TSPAN9: variants seen among roughly 807,000 people sequenced by gnomAD.
TSPAN9 encodes the protein tetraspanin 9, also known as tetraspanin-9.
In TSPAN9, 16 loss-of-function variants were observed where a neutral mutation model predicts 31.0. The ratio of observed to expected loss-of-function variants is 0.52; its 90% CI spans 0.35 to 0.78. TSPAN9 has a LOEUF of 0.78. Among genes scored for constraint, TSPAN9 ranks in the 30% least tolerant of loss-of-function variants. The pLI, the probability that TSPAN9 is intolerant of heterozygous loss-of-function variation, is 0.01. For synonymous variants in TSPAN9, 145 were observed against 121.6 expected, an observed-to-expected ratio of 1.19 and a Z score of -1.27; for missense variants, 272 against 312.5, an observed-to-expected ratio of 0.87 and a Z score of 0.98.
chr12:3,185,705 C>T (rs988436506), intron 2 of TSPAN9, among the ~76,000 whole-genome samples: 5 of 152,198 alleles, frequency 3.3e-5, no homozygotes, highest in African/African-American at 4.8e-5. Context: ...GTGGGGAGCC[C>T]GCCTGAGGCC....
At chr12:3,270,780 C>G (rs904570557) in intron 3 of TSPAN9, among the ~76,000 whole-genome samples, 1 of 152,248 alleles carries the variant, frequency 6.6e-6, no homozygotes, top group Non-Finnish European at 1.5e-5. Flanking sequence ...TCATCGTGGA[C>G]TCTTCCACCC....
chr12:3,113,091 C>T (rs139866861), intron 2 of TSPAN9, among the ~76,000 whole-genome samples: 12 of 152,266 alleles, frequency 7.9e-5, no homozygotes, highest in Non-Finnish European at 1.5e-4. Flanking sequence ...TATGTCAGGT[C>T]ATAGTGCTGG....
At chr12:3,216,611 C>T (rs767589273) in intron 3 of TSPAN9, among the ~76,000 whole-genome samples, 1 of 152,214 alleles carries the variant, frequency 6.6e-6, no homozygotes, top group Non-Finnish European at 1.5e-5. Flanking sequence ...GGCACAGGGC[C>T]TGCAGGGCTG....
At chr12:3,266,900 G>T (rs1188367240) in intron 3 of TSPAN9, among the ~76,000 whole-genome samples, 2 of 152,246 alleles carry the variant, frequency 1.3e-5, no homozygotes, top group African/African-American at 4.8e-5. Context: ...GTGGGTGGCT[G>T]TGTTGGGGCC....
At chr12:3,220,617 T>C (rs1318974027) in intron 3 of TSPAN9, among the ~76,000 whole-genome samples, 1 of 152,224 alleles carries the variant, frequency 6.6e-6, no homozygotes, top group Non-Finnish European at 1.5e-5. Flanking sequence ...CCGATGTTGA[T>C]ATGTTTTCCT....
intron 3 of TSPAN9, among the ~76,000 whole-genome samples, chr12:3,205,777 C>T (rs1056790187): frequency 1.2e-4 from 18 of 151,704 alleles, no homozygotes; most frequent in African/African-American, 4.4e-4. Context: ...TAGGGGGCTG[C>T]AACAAGTAGA....
intron 2 of TSPAN9, among the ~76,000 whole-genome samples, chr12:3,102,521 G>A (rs1349918511): frequency 5.4e-5 from 8 of 147,634 alleles, no homozygotes; most frequent in East Asian, 4.0e-4. Flanking sequence ...TACAAGCTCC[G>A]CCTCCCACCA....
Position 3,243,660 on chromosome 12 carries a change from C to T in TSPAN9, c.64-34761C>T, listed in dbSNP as rs571516622. On this transcript the variant is annotated intron_variant, in intron 3 of 8. Transcript: ENST00000011898. Reference sequence around the variant, plus strand: ...GCATCGGCCCTCCTGCTGTCACCCTCCCTGGCTTCCTCTTCAGGGAGGGTG... The same window carrying T: ...GCATCGGCCCTCCTGCTGTCACCCTTCCTGGCTTCCTCTTCAGGGAGGGTG... 1.6e-4 allele frequency among the ~76,000 whole-genome samples: 25 copies of T among 152,260 alleles called. 1 individual carries two copies. In the South Asian group the frequency reaches 5.0e-3, roughly 30 times the overall value.
chr12:3,225,041 T>TC (rs2098386459), intron 3 of TSPAN9, among the ~76,000 whole-genome samples: 1 of 152,148 alleles, frequency 6.6e-6, no homozygotes. Flanking sequence ...GTGCACAGGA[T>TC]CCCATAGCCC....
intron 3 of TSPAN9, among the ~76,000 whole-genome samples, chr12:3,249,139 T>G (rs1862197749): frequency 6.6e-6 from 1 of 152,192 alleles, no homozygotes; most frequent in Admixed American, 6.5e-5. Context: ...TTAACAGCCC[T>G]CTCTCTGCTT....
intron 3 of TSPAN9, chr12:3,206,377 G>A (rs777148220): frequency 2.6e-5 from 12 of 455,914 alleles, no homozygotes; most frequent in Non-Finnish European, 3.5e-5. Flanking sequence ...CATCTGGCTC[G>A]TCCTGCGCTG....
intron 2 of TSPAN9, among the ~76,000 whole-genome samples, chr12:3,151,793 T>C (rs11062535): frequency 6.6e-6 from 1 of 152,104 alleles, no homozygotes; most frequent in African/African-American, 2.4e-5. Flanking sequence ...AACCGTGGTG[T>C]GCGCCTGTAC....
At chr12:3,122,924 C>G (rs1053006367) in intron 2 of TSPAN9, among the ~76,000 whole-genome samples, 2 of 152,172 alleles carry the variant, frequency 1.3e-5, no homozygotes, top group Non-Finnish European at 2.9e-5. Context: ...TGCGTTTTGC[C>G]CCAGGCACTT....
intron 2 of TSPAN9, among the ~76,000 whole-genome samples, chr12:3,126,982 C>T (rs548115020): frequency 6.6e-6 from 1 of 152,216 alleles, no homozygotes; most frequent in South Asian, 2.1e-4. Context: ...CGCTGTGTTG[C>T]CCAGGCTGGA....
rs75336920 is a variant in TSPAN9 at position 3,258,511 on chromosome 12, A to G, written c.64-19910A>G. Among the ~76,000 whole-genome samples, 627 of 152,228 alleles carry G rather than the reference A, an allele frequency of 4.1e-3. 38 individuals are homozygous for G. The East Asian group carries it at 0.11, about 27-fold the overall frequency. On this transcript the variant is annotated intron_variant, in intron 3 of 8. Transcript: ENST00000011898. ...GCTTGCTGTCTTCTGGCAGCAATGA[A>G]GAGTGGTCGTGGGAGCCTTGACTAA...
At chr12:3,217,471 C>T (rs1484475438) in intron 3 of TSPAN9, among the ~76,000 whole-genome samples, 1 of 152,196 alleles carries the variant, frequency 6.6e-6, no homozygotes, top group African/African-American at 2.4e-5. Flanking sequence ...CACTCCTTCT[C>T]TTCTGTCATG....
At chr12:3,109,225 C>T (rs138537745) in intron 2 of TSPAN9, among the ~76,000 whole-genome samples, 24 of 149,678 alleles carry the variant, frequency 1.6e-4, no homozygotes, top group East Asian at 1.0e-3. Context: ...TGTGAGCCAC[C>T]GCTCCTGGCC....
At chr12:3,226,034 G>C (rs1287615928) in intron 3 of TSPAN9, among the ~76,000 whole-genome samples, 1 of 152,104 alleles carries the variant, frequency 6.6e-6, no homozygotes, top group Non-Finnish European at 1.5e-5. Context: ...CAGGGAGAGG[G>C]GTCAGAGTTG....
chr12:3,143,313 C>T lies in TSPAN9; in HGVS notation c.-17-57864C>T, dbSNP rs2153967941. Among the ~76,000 whole-genome samples, 1 of 146,982 alleles carries T rather than the reference C, an allele frequency of 6.8e-6. No homozygotes were observed. Among genetic ancestry groups the T allele is most frequent in the Admixed American group, 6.7e-5 (1 of 14,880 alleles). ...ATTATATTAATTATAATTAATACACCATTAATGTCTTGAGGGCAGGCACTT... is the reference window on the plus strand; with the variant it reads ...ATTATATTAATTATAATTAATACACTATTAATGTCTTGAGGGCAGGCACTT... On this transcript the variant is annotated intron_variant, in intron 2 of 8. Coordinates refer to ENST00000011898, the MANE Select transcript of TSPAN9 (RefSeq NM_006675.5). This position sits in a 1 kb window ranked among gnomAD's most constrained non-coding sequence, Gnocchi z 4.2.
Sources: gnomAD v4.1 joint callset for allele counts (sites outside exome capture counted in the v4.1 genomes callset) on GRCh38, gnomAD v4.1.1 for gene constraint, Gnocchi (gnomAD v3.1) non-coding constraint, MANE v1.5 for transcripts, NCBI Gene and HGNC (gene_info 2026-07-23, HGNC 2026-07-21) for gene names.